NBAS: variants seen among roughly 807,000 people sequenced by gnomAD.
NBAS encodes the protein NAG/BC035112 fusion.
NBAS carries 219 observed loss-of-function variants against 302.5 expected under a neutral mutation model. The ratio of observed to expected loss-of-function variants is 0.72; its 90% CI spans 0.65 to 0.81. The LOEUF (loss-of-function observed/expected upper bound fraction) is 0.81. Ranked by LOEUF, NBAS falls within the 30% of genes least tolerant of loss-of-function variation. The probability of loss-of-function intolerance (pLI) is 0.00; values close to 1 mark genes in which losing one functional copy is unlikely to be tolerated. For synonymous variants in NBAS, 1,118 were observed against 1,021.6 expected (o/e 1.09, Z -1.80); for missense variants, 2,932 against 2,841.6 (o/e 1.03, Z -0.72).
rs780386393 is a variant in NBAS at position 15,379,801 on chromosome 2, G to A, written c.3391C>T (p.Arg1131Cys). Residue 1131 changes from arginine to cysteine, a missense_variant, in exon 30 of 52, where the codon CGC becomes TGC. Physicochemically the swap from Arg to Cys is radical, Grantham distance 180 (BLOSUM62 -3). Transcript: ENST00000281513. ...CCAGCCAGGTGGATGTTTTCAAGGC[G>A]ACTAGAGCACAGAAGGCTTTCTGTA... ...IFTESLLCSSRLENIHLAGQM... is the reference protein window; with the variant it reads ...IFTESLLCSSCLENIHLAGQM... 1.9e-6 allele frequency: 3 copies of A among 1,614,008 alleles called. No homozygotes were observed. The highest frequency in any genetic ancestry group is 1.7e-6 in the Non-Finnish European group (2 of 1,179,976).
intron 25 of NBAS, among the ~76,000 whole-genome samples, chr2:15,407,199 A>G (rs1410308226): frequency 6.6e-6 from 1 of 152,246 alleles, no homozygotes; most frequent in Non-Finnish European, 1.5e-5. Flanking sequence ...ATTTATATCC[A>G]TATGTGGCTA....
intron 38 of NBAS, among the ~76,000 whole-genome samples, chr2:15,316,787 C>T (rs891757779): frequency 1.3e-5 from 2 of 152,206 alleles, no homozygotes; most frequent in East Asian, 1.9e-4. Context: ...ACTCCACATC[C>T]GTGGGCAGGG....
At chr2:15,459,548 T>C (rs975892256) in intron 21 of NBAS, among the ~76,000 whole-genome samples, 1 of 143,766 alleles carries the variant, frequency 7.0e-6, no homozygotes. Flanking sequence ...AGGGGTGCGA[T>C]AGCTCACTGC....
At chr2:15,129,123 ATTC>A in the NBAS span, among the ~76,000 whole-genome samples, 2 of 152,268 alleles carry the variant, frequency 1.3e-5, no homozygotes, top group African/African-American at 2.4e-5. Flanking sequence ...CATCAGCAAC[ATTC>A]TTCTTCATTT....
chr2:15,065,157 T>C, the NBAS span, among the ~76,000 whole-genome samples: 1 of 152,114 alleles, frequency 6.6e-6, no homozygotes, highest in African/African-American at 2.4e-5. Context: ...TCACGATATA[T>C]ACATATATCA....
the NBAS span, among the ~76,000 whole-genome samples, chr2:14,933,564 C>CT: frequency 2.0e-5 from 3 of 152,070 alleles, no homozygotes; most frequent in African/African-American, 7.2e-5. Context: ...GCTAATTTCT[C>CT]TTTTTTTTCT....
At chr2:15,276,586 C>G (rs1311841604) in intron 43 of NBAS, among the ~76,000 whole-genome samples, 1 of 152,092 alleles carries the variant, frequency 6.6e-6, no homozygotes. Context: ...AATCCTGGAG[C>G]AGAAGTCCAA....
chr2:15,200,069 A>T (rs1295097753), intron 48 of NBAS, among the ~76,000 whole-genome samples: 2 of 151,788 alleles, frequency 1.3e-5, no homozygotes, highest in African/African-American at 4.8e-5. Context: ...TGCCTGGCTA[A>T]TTTTTTTATT....
chr2:15,416,841 A>G (rs1016189484), intron 24 of NBAS, among the ~76,000 whole-genome samples: 1 of 151,740 alleles, frequency 6.6e-6, no homozygotes. Context: ...GAAGATAAAT[A>G]TAAGATGGGG....
chr2:15,474,002 C>G, intron 15 of NBAS, 65 bp downstream of exon 15: 1 of 1,597,844 alleles, frequency 6.3e-7, no homozygotes, highest in East Asian at 2.2e-5. Context: ...AAAAAATTAA[C>G]TTTTTCTCAA....
At chr2:15,449,630 T>C (rs1182205113) in intron 21 of NBAS, among the ~76,000 whole-genome samples, 1 of 152,096 alleles carries the variant, frequency 6.6e-6, no homozygotes, top group Non-Finnish European at 1.5e-5. Context: ...ACCCATTCTA[T>C]CAAGATCTAA....
At chr2:14,980,050 G>A in the NBAS span, among the ~76,000 whole-genome samples, 18 of 152,288 alleles carry the variant, frequency 1.2e-4, no homozygotes, top group Non-Finnish European at 2.5e-4. Context: ...TACAAAAAAT[G>A]TAAAGACACA....
At chr2:15,537,330 G>A (rs1427401134) in intron 7 of NBAS, among the ~76,000 whole-genome samples, 2 of 152,206 alleles carry the variant, frequency 1.3e-5, no homozygotes, top group African/African-American at 2.4e-5. Context: ...ATACCAAGAT[G>A]AGTCTGTGTA....
chr2:15,399,776 C>CA (rs1442565250), intron 26 of NBAS, among the ~76,000 whole-genome samples: 5 of 149,384 alleles, frequency 3.3e-5, no homozygotes, highest in African/African-American at 1.2e-4. Context: ...AACAGAAACA[C>CA]AAAAAATGAA....
the NBAS span, among the ~76,000 whole-genome samples, chr2:14,837,332 T>G: frequency 6.6e-6 from 1 of 151,934 alleles, no homozygotes; most frequent in Non-Finnish European, 1.5e-5. Flanking sequence ...ATATATCATG[T>G]CCAAATTGCA....
At chr2:15,168,321 A>G (rs1664130586) in intron 51 of NBAS, among the ~76,000 whole-genome samples, 2 of 152,230 alleles carry the variant, frequency 1.3e-5, no homozygotes, top group African/African-American at 4.8e-5. Context: ...GTTCTGTGAC[A>G]AGGAAGAAAG....
At chr2:14,948,076 G>A in the NBAS span, among the ~76,000 whole-genome samples, 2 of 151,904 alleles carry the variant, frequency 1.3e-5, no homozygotes, top group Admixed American at 1.3e-4. Flanking sequence ...AAGACCTAGT[G>A]TTTGATAGAT....
intron 21 of NBAS, among the ~76,000 whole-genome samples, chr2:15,429,719 G>A (rs1439165449): frequency 2.0e-5 from 3 of 152,258 alleles, no homozygotes; most frequent in Middle Eastern, 3.4e-3. Context: ...TTTCCAGTTA[G>A]CATGTAATAT....
At chr2:15,428,048 A>G (rs1317244798) in intron 21 of NBAS, among the ~76,000 whole-genome samples, 2 of 152,238 alleles carry the variant, frequency 1.3e-5, no homozygotes, top group Non-Finnish European at 2.9e-5. Context: ...GAAGGTATGG[A>G]TAAGTTTTCA....
Sources: allele counts gnomAD v4.1 joint callset (sites outside exome capture counted in the v4.1 genomes callset), GRCh38; gene constraint gnomAD v4.1.1; transcripts MANE v1.5; gene names NCBI Gene and HGNC (gene_info 2026-07-23, HGNC 2026-07-21).